TBL1XR1: variants seen among roughly 807,000 people sequenced by gnomAD.
The protein encoded by TBL1XR1 is F-box-like/WD repeat-containing protein TBL1XR1.
TBL1XR1 carries 5 observed loss-of-function variants against 66.9 expected under a neutral mutation model. That is an observed-to-expected ratio of 0.07 (90% CI 0.04 to 0.16). The LOEUF is 0.16. TBL1XR1 is among the 10% of genes least tolerant of loss of function. The pLI, the probability that TBL1XR1 is intolerant of heterozygous loss-of-function variation, is 1.00. For missense variants in TBL1XR1, 238 were observed against 623.2 expected (o/e 0.38, Z 6.58); for synonymous variants, 210 against 206.0 (o/e 1.02, Z -0.17).
At chr3:177,169,597 A>C (rs1733224988) in intron 1 of TBL1XR1, among the ~76,000 whole-genome samples, 1 of 152,238 alleles carries the variant, frequency 6.6e-6, no homozygotes, top group South Asian at 2.1e-4. Context: ...ACTGAAGCTT[A>C]ATAGAGAAAT....
At chr3:177,163,739 G>C (rs1003733660) in intron 1 of TBL1XR1, among the ~76,000 whole-genome samples, 1 of 152,040 alleles carries the variant, frequency 6.6e-6, no homozygotes, top group Non-Finnish European at 1.5e-5. Context: ...ACTTGGTAGG[G>C]GTAGGGGTAG....
chr3:177,190,133 CAAAAAAAAAAAAA>C (rs548783302), intron 1 of TBL1XR1, among the ~76,000 whole-genome samples: 991 of 69,460 alleles, frequency 0.014, 28 homozygotes, highest in African/African-American at 0.056. Flanking sequence ...AACTCCATCT[CAAAAAAAAAAAAA>C]AAAAAAAAAA....
intron 1 of TBL1XR1, among the ~76,000 whole-genome samples, chr3:177,158,182 A>AC (rs1560241198): frequency 2.0e-5 from 3 of 151,096 alleles, no homozygotes; most frequent in Non-Finnish European, 4.4e-5. Flanking sequence ...AAAAACAAAA[A>AC]AAACCCTGCT....
chr3:177,177,319 G>A (rs188469580), intron 1 of TBL1XR1, among the ~76,000 whole-genome samples: 49 of 151,940 alleles, frequency 3.2e-4, no homozygotes, highest in African/African-American at 1.1e-3. Context: ...GTGTGGTGGC[G>A]TGCGCCCGTT....
intron 3 of TBL1XR1, among the ~76,000 whole-genome samples, chr3:177,061,938 G>A (rs1192572784): frequency 6.6e-6 from 1 of 152,164 alleles, no homozygotes; most frequent in Admixed American, 6.5e-5. Flanking sequence ...TAAGTGGCAA[G>A]TGCCCAGATC....
upstream of TBL1XR1, among the ~76,000 whole-genome samples, chr3:177,197,593 G>A (rs994101304): frequency 7.2e-6 from 1 of 138,356 alleles, no homozygotes; most frequent in Non-Finnish European, 1.6e-5. Context: ...CGGCCGCGCA[G>A]CAAAACAAAC....
intron 2 of TBL1XR1, among the ~76,000 whole-genome samples, chr3:177,071,078 T>C (rs1195516110): frequency 6.9e-6 from 1 of 145,960 alleles, no homozygotes; most frequent in Admixed American, 6.9e-5. Flanking sequence ...TTGCCCAGGC[T>C]AGAGTGTGGT....
chr3:177,139,541 A>G (rs534875839), intron 1 of TBL1XR1, among the ~76,000 whole-genome samples: 33 of 148,506 alleles, frequency 2.2e-4, no homozygotes, highest in Middle Eastern at 3.4e-3. Context: ...TCTCGGGGGG[A>G]AAAAAAAAAA....
At chr3:177,054,784 G>C (rs545115360) in intron 3 of TBL1XR1, among the ~76,000 whole-genome samples, 1 of 152,182 alleles carries the variant, frequency 6.6e-6, no homozygotes, top group East Asian at 1.9e-4. Context: ...TGAACAGCTA[G>C]CAAATGATTA....
intron 1 of TBL1XR1, among the ~76,000 whole-genome samples, chr3:177,134,782 T>C (rs757827755): frequency 2.0e-5 from 3 of 152,218 alleles, no homozygotes; most frequent in Non-Finnish European, 4.4e-5. Context: ...ATGGCAGTTA[T>C]ATCTATACGT....
chr3:177,042,173 T>C (rs1233303245), intron 10 of TBL1XR1, among the ~76,000 whole-genome samples: 2 of 152,224 alleles, frequency 1.3e-5, no homozygotes, highest in Non-Finnish European at 2.9e-5. Context: ...TATTATCACT[T>C]AAAATACAAT....
chr3:177,189,649 C>CAAAAAAAAAAAAAAAAAAAAAAAAAAA lies in TBL1XR1; in HGVS notation c.-122+7471_-122+7472insTTTTTTTTTTTTTTTTTTTTTTTTTTT, dbSNP rs761647251. ...TGGGAGACAGAGCAAGACTCCATCT[C>CAAAAAAAAAAAAAAAAAAAAAAAAAAA]AAAAAAAAAAAAAAAAGAAGGATGT... On this transcript the variant is annotated intron_variant, in intron 1 of 15. Transcript: ENST00000457928. Among the ~76,000 whole-genome samples the CAAAAAAAAAAAAAAAAAAAAAAAAAAA allele has an allele frequency of 7.3e-4, 33 of 45,172 alleles. 1 individual carries two copies. Among genetic ancestry groups the CAAAAAAAAAAAAAAAAAAAAAAAAAAA allele is most frequent in the African/African-American group, 2.7e-3 (31 of 11,572 alleles). 29.6% of individuals were successfully genotyped at this position (45,172 alleles called of 152,430 possible). A position where few individuals can be genotyped will look rare whatever the true frequency, so the allele number is the denominator to read the frequency against.
At chr3:177,105,367 G>A (rs571549064) in intron 1 of TBL1XR1, among the ~76,000 whole-genome samples, 2 of 152,226 alleles carry the variant, frequency 1.3e-5, no homozygotes, top group Admixed American at 6.5e-5. Flanking sequence ...CGAAGGAGGG[G>A]TGGACCAGTA....
chr3:177,198,828 A>G (rs1247215816), upstream of TBL1XR1, among the ~76,000 whole-genome samples: 2 of 151,840 alleles, frequency 1.3e-5, no homozygotes, highest in African/African-American at 4.8e-5. Flanking sequence ...TAAAGCAACC[A>G]TCATTTCCTC....
chr3:177,088,720 A>AAAG lies in TBL1XR1; in HGVS notation c.-46+9745_-46+9746insCTT, dbSNP rs1553836634. Among the ~76,000 whole-genome samples, 562 of 151,576 alleles carry AAAG rather than the reference A, an allele frequency of 3.7e-3. 3 individuals are homozygous for AAAG. The highest frequency in any genetic ancestry group is 0.013 in the African/African-American group (535 of 41,378). On this transcript the variant is annotated intron_variant, in intron 2 of 15. Coordinates refer to ENST00000457928, the MANE Select transcript of TBL1XR1 (RefSeq NM_024665.7). ...TTTTCTTCATTTGTTTAAAAAAAAAAAAAAGAAAAGAAAAGCCTAGAGACT... is the reference window on the plus strand; with the variant it reads ...TTTTCTTCATTTGTTTAAAAAAAAAAAAGAAAAGAAAAGAAAAGCCTAGAGACT...
intron 1 of TBL1XR1, among the ~76,000 whole-genome samples, chr3:177,141,243 T>A (rs565995893): frequency 6.6e-6 from 1 of 152,348 alleles, no homozygotes; most frequent in Admixed American, 6.5e-5. Context: ...GTTTTCTTCG[T>A]ATCATTCTAT....
At chr3:177,115,763 G>A (rs550122787) in intron 1 of TBL1XR1, among the ~76,000 whole-genome samples, 1 of 152,268 alleles carries the variant, frequency 6.6e-6, no homozygotes, top group South Asian at 2.1e-4. Flanking sequence ...GGGTTTCTTT[G>A]TTGAGGCACT....
chr3:177,176,379 T>C (rs561844286), intron 1 of TBL1XR1, among the ~76,000 whole-genome samples: 30 of 151,704 alleles, frequency 2.0e-4, no homozygotes, highest in African/African-American at 7.2e-4. Context: ...GTATTTTTAA[T>C]AGAGACGGAA....
At chr3:177,083,291 T>G (rs908063510) in intron 2 of TBL1XR1, among the ~76,000 whole-genome samples, 1 of 151,210 alleles carries the variant, frequency 6.6e-6, no homozygotes, top group Non-Finnish European at 1.5e-5. Context: ...AGTCTAATTA[T>G]GTATCCATCC....
Sources: gnomAD v4.1 joint callset for allele counts (sites outside exome capture counted in the v4.1 genomes callset) on GRCh38, gnomAD v4.1.1 for gene constraint, MANE v1.5 for transcripts, NCBI Gene and HGNC (gene_info 2026-07-23, HGNC 2026-07-21) for gene names.